AMPD3: variants seen among roughly 807,000 people sequenced by gnomAD.
The protein encoded by AMPD3 is adenosine monophosphate deaminase 3, also known as AMP deaminase 3.
Under a neutral mutation model 82.3 loss-of-function variants are expected in AMPD3, and 57 were observed. The observed-to-expected ratio is 0.69, with a 90% CI of 0.56 to 0.86. The LOEUF (loss-of-function observed/expected upper bound fraction) is 0.86. Ranked by LOEUF, AMPD3 falls within the 40% of genes least tolerant of loss-of-function variation. The pLI is 0.00. For synonymous variants in AMPD3, 381 were observed against 394.7 expected, an observed-to-expected ratio of 0.97 and a Z score of 0.41; for missense variants, 870 against 1,003.8, an observed-to-expected ratio of 0.87 and a Z score of 1.80.
chr11:10,481,363 T>A, intron 3 of AMPD3: 16 of 860,702 alleles, frequency 1.9e-5, no homozygotes, highest in Non-Finnish European at 2.2e-5. Context: ...CTCATCGCCT[T>A]CAGGGATAGG....
At chr11:10,462,580 G>T (rs1848302509) in intron 2 of AMPD3, among the ~76,000 whole-genome samples, 2 of 152,172 alleles carry the variant, frequency 1.3e-5, no homozygotes, top group Admixed American at 1.3e-4. Flanking sequence ...TCTCCCAGTG[G>T]CTGCCATGGG....
chr11:10,450,586 C>G, upstream of AMPD3: 1 of 988,274 alleles, frequency 1.0e-6, no homozygotes, highest in South Asian at 4.7e-5. Context: ...CTGGGGAGCC[C>G]GGCTGGCATC....
intron 8 of AMPD3, 63 bp downstream of exon 8, chr11:10,495,093 G>A: frequency 1.2e-6 from 2 of 1,613,284 alleles, no homozygotes; most frequent in East Asian, 2.2e-5. Flanking sequence ...CCTTCAGAGA[G>A]TGGGGGCCCT....
intron 2 of AMPD3, among the ~76,000 whole-genome samples, chr11:10,467,815 T>A (rs1482002094): frequency 1.3e-5 from 2 of 152,006 alleles, no homozygotes; most frequent in Non-Finnish European, 2.9e-5. Flanking sequence ...TAACAGCAGA[T>A]CTCTCTGCAG....
At chr11:10,460,563 C>T (rs571518813) in intron 1 of AMPD3, among the ~76,000 whole-genome samples, 7 of 151,290 alleles carry the variant, frequency 4.6e-5, no homozygotes, top group Non-Finnish European at 7.4e-5. Context: ...CCTGCCACCA[C>T]GCCTGGCTAA....
intron 2 of AMPD3, among the ~76,000 whole-genome samples, chr11:10,476,220 A>G (rs944127516): frequency 3.3e-5 from 5 of 152,162 alleles, no homozygotes; most frequent in African/African-American, 9.7e-5. Flanking sequence ...GAGTTAGCCT[A>G]TCTGTGGTTA....
rs1848098369 is a variant in AMPD3 at position 10,456,471 on chromosome 11, G to A, written c.-6+1023G>A. 1.9e-6 allele frequency: 3 copies of A among 1,613,690 alleles called. No homozygotes were observed. The highest frequency in any genetic ancestry group is 1.7e-4 in the Middle Eastern group (1 of 6,056). On this transcript the variant is annotated intron_variant, in intron 1 of 14. Transcript: ENST00000396553. The surrounding 1 kb of genome is among the most constrained non-coding windows in gnomAD (Gnocchi z 4.3). ...AACCAGCTTCCTTCGTATAACGAGG[G>A]GATTTCAGTGGCACTGGGCTTCCTT...
In AMPD3 at chr11:10,493,273, T is replaced by C. The variant is rs1849292528; in HGVS notation, c.940-76T>C. On this transcript the variant is annotated intron_variant, in intron 6 of 14. Transcript: ENST00000396553. Reference sequence around the variant, plus strand: ...ATGAGGTGCTGGGGTTCTGTGCACATTGAGGGTTGGATGTCTTAACTCTTG... The same window carrying C: ...ATGAGGTGCTGGGGTTCTGTGCACACTGAGGGTTGGATGTCTTAACTCTTG... The C allele has an allele frequency of 3.2e-6, 5 of 1,543,984 alleles. No homozygotes were observed. In the Admixed American group the frequency reaches 6.7e-5, roughly 21 times the overall value.
intron 6 of AMPD3, chr11:10,490,630 G>T: frequency 1.0e-6 from 1 of 985,404 alleles, no homozygotes; most frequent in Non-Finnish European, 1.2e-6. Flanking sequence ...TCTGAAGTTT[G>T]GATGGGGTGC....
chr11:10,466,627 A>G (rs997936510), intron 2 of AMPD3, among the ~76,000 whole-genome samples: 3 of 152,200 alleles, frequency 2.0e-5, no homozygotes, highest in Non-Finnish European at 4.4e-5. Context: ...CAGCAGACAT[A>G]AATGTCCCTG....
intron 4 of AMPD3, chr11:10,484,367 G>T (rs1014689011): frequency 2.0e-6 from 2 of 985,222 alleles, no homozygotes; most frequent in Non-Finnish European, 2.4e-6. Flanking sequence ...GCCTGGGCTC[G>T]GGACAGTTAT....
rs558612775 is a variant in AMPD3, at chr11:10,497,406, C to CAGTT, written c.1557+469_1557+472dup. On this transcript the variant is annotated intron_variant, in intron 10 of 14. Transcript: ENST00000396553. The stretch of plus-strand genomic sequence containing the variant: ...CTAAAGTGTATTTCCCTTCCGGATC[C>CAGTT]AGTTGTAGGAGAAGGAGAGGAGCAG... 1.8e-3 allele frequency among the ~76,000 whole-genome samples: 269 copies of CAGTT among 152,272 alleles called. 1 individual carries two copies. Among genetic ancestry groups the CAGTT allele is most frequent in the Non-Finnish European group, 2.8e-3 (193 of 68,022 alleles).
chr11:10,481,942 C>A, intron 3 of AMPD3, 121 bp from the exon 4 acceptor site: 1 of 1,214,264 alleles, frequency 8.2e-7, no homozygotes, highest in Non-Finnish European at 1.2e-6. Flanking sequence ...GTGGTGAGAA[C>A]CCTCCTGAAA....
Position 10,496,958 on chromosome 11 carries a change from T to C in AMPD3, c.1557+20T>C, listed in dbSNP as rs1849422156. 1 of 1,613,600 alleles carries C rather than the reference T, an allele frequency of 6.2e-7. No homozygotes were observed. Among genetic ancestry groups the C allele is most frequent in the Non-Finnish European group, 8.5e-7 (1 of 1,179,580 alleles). Reference sequence around the variant, plus strand: ...AAATATGTAAGTGTGGGTGGTGCCCTAGGCAGGGCTCATAGCGGCAGAGGC... The same window carrying C: ...AAATATGTAAGTGTGGGTGGTGCCCCAGGCAGGGCTCATAGCGGCAGAGGC... On this transcript the variant is annotated intron_variant, in intron 10 of 14. Coordinates refer to ENST00000396553, the MANE Select transcript of AMPD3 (RefSeq NM_001025389.2).
In AMPD3 at chr11:10,455,495, T is replaced by A. The variant is rs945783016; in HGVS notation, c.-6+47T>A. 47 of 951,060 alleles carry A rather than the reference T, an allele frequency of 4.9e-5. No homozygotes were observed. In the African/African-American group the frequency reaches 8.0e-4, roughly 16 times the overall value. The allele number at this position is 951,060 out of a possible 1,614,324, so 58.9% of individuals were successfully genotyped here. On this transcript the variant is annotated intron_variant, in intron 1 of 14. Transcript: ENST00000396553. ...GTGGGCTCCGGTGGGTCAGTTGGGGTGTACTCCTTTTCTGTGTGTGTGGAT... is the reference window on the plus strand; with the variant it reads ...GTGGGCTCCGGTGGGTCAGTTGGGGAGTACTCCTTTTCTGTGTGTGTGGAT...
chr11:10,506,033 A>C lies in AMPD3; in HGVS notation c.*149A>C. 1 of 821,576 alleles carries C rather than the reference A, an allele frequency of 1.2e-6. No individual in the cohort carries two copies. Among genetic ancestry groups the C allele is most frequent in the Non-Finnish European group, 2.0e-6 (1 of 495,066 alleles). 50.9% of individuals were successfully genotyped at this position (821,576 alleles called of 1,614,324 possible). A position where few individuals can be genotyped will look rare whatever the true frequency, so the allele number is the denominator to read the frequency against. On this transcript the variant is annotated 3_prime_UTR_variant, in exon 15 of 15. Coordinates refer to ENST00000396553, the MANE Select transcript of AMPD3 (RefSeq NM_001025389.2). This position sits in a 1 kb window ranked among gnomAD's most constrained non-coding sequence, Gnocchi z 4.1. The stretch of plus-strand genomic sequence containing the variant: ...ACTGGTGATTTTGGTTGCACTGCTC[A>C]CTTTAAGAGTTAACATGCTCACTTG...
intron 2 of AMPD3, 150 bp downstream of exon 2, chr11:10,461,890 C>CAATAAATAAGAGG: frequency 1.3e-6 from 1 of 750,314 alleles, no homozygotes; most frequent in Non-Finnish European, 2.3e-6. Context: ...TAACTCACCT[C>CAATAAATAAGAGG]TTATTTATTG....
At chr11:10,497,926 G>C (rs116720555) in intron 10 of AMPD3, among the ~76,000 whole-genome samples, 2 of 152,298 alleles carry the variant, frequency 1.3e-5, no homozygotes, top group East Asian at 3.9e-4. Flanking sequence ...TGCTTGGTGC[G>C]TGTTGGACAC....
intron 4 of AMPD3, among the ~76,000 whole-genome samples, chr11:10,482,899 G>A (rs926164890): frequency 6.6e-6 from 1 of 152,160 alleles, no homozygotes; most frequent in African/African-American, 2.4e-5. Flanking sequence ...CGGGGTGGGA[G>A]TAGGAACAGA....
Sources: gnomAD v4.1 joint callset for allele counts (sites outside exome capture counted in the v4.1 genomes callset) on GRCh38, gnomAD v4.1.1 for gene constraint, Gnocchi (gnomAD v3.1) non-coding constraint, MANE v1.5 for transcripts, NCBI Gene and HGNC (gene_info 2026-07-23, HGNC 2026-07-21) for gene names.